LRMDA: variants seen among roughly 807,000 people sequenced by gnomAD.
The protein encoded by LRMDA is leucine-rich melanocyte differentiation-associated protein.
In LRMDA, 18 loss-of-function variants were observed where a neutral mutation model predicts 29.8. The observed-to-expected ratio is 0.60, with a 90% confidence interval of 0.42 to 0.90. The LOEUF (loss-of-function observed/expected upper bound fraction) is 0.90, where lower values mean the gene tolerates loss of function less well. Among genes scored for constraint, LRMDA ranks in the 40% least tolerant of loss-of-function variants. The probability of loss-of-function intolerance (pLI) is 0.00; values close to 1 mark genes in which losing one functional copy is unlikely to be tolerated. For missense variants in LRMDA, 273 were observed against 273.9 expected, an observed-to-expected ratio of 1.00 and a Z score of 0.02; for synonymous variants, 125 against 109.4, an observed-to-expected ratio of 1.14 and a Z score of -0.89.
chr10:76,557,361 C>A lies in LRMDA; in HGVS notation c.*73C>A. 7.7e-7 allele frequency: 1 copy of A among 1,290,566 alleles called. No homozygotes were observed. The highest frequency in any genetic ancestry group is 1.1e-6 in the Non-Finnish European group (1 of 897,352). 79.9% of individuals were successfully genotyped at this position (1,290,566 alleles called of 1,614,324 possible). On this transcript the variant is annotated 3_prime_UTR_variant, in exon 7 of 7. Coordinates refer to ENST00000611255, the MANE Select transcript of LRMDA (RefSeq NM_001305581.2). Reference sequence around the variant, plus strand: ...AGGGAAATCAAAAATAAAGAAAACGCTAAAGAAAAAACAATAGCCCACATT... The same window carrying A: ...AGGGAAATCAAAAATAAAGAAAACGATAAAGAAAAAACAATAGCCCACATT...
Position 75,438,583 on chromosome 10 carries a change from C to T in LRMDA, c.131+89C>T, listed in dbSNP as rs1844289290. ...GCCAAGCAGATAAAAGTCAAATGTT[C>T]CAACTCCACATGGGTTGTCCTTTTA... is the stretch of plus-strand genomic sequence containing the variant. On this transcript the variant is annotated intron_variant, in intron 2 of 6. Coordinates refer to ENST00000611255, the MANE Select transcript of LRMDA (RefSeq NM_001305581.2). The T allele has an allele frequency of 4.2e-5, 40 of 960,452 alleles. No homozygotes were observed. The South Asian group carries it at 5.8e-4, about 14-fold the overall frequency. 59.5% of individuals were successfully genotyped at this position (960,452 alleles called of 1,614,324 possible).
chr10:76,259,676 C>A (rs1839908809), intron 5 of LRMDA, among the ~76,000 whole-genome samples: 1 of 152,016 alleles, frequency 6.6e-6, no homozygotes, highest in Middle Eastern at 3.2e-3. Flanking sequence ...AAGTCCCCAA[C>A]TACTATTGTA....
chr10:75,595,535 TTA>T (rs1840775301), intron 2 of LRMDA, among the ~76,000 whole-genome samples: 1 of 149,826 alleles, frequency 6.7e-6, no homozygotes, highest in South Asian at 2.1e-4. Context: ...AGTATGTATA[TTA>T]TGAGTATGTA....
At chr10:76,182,213 A>G (rs1475634540) in intron 5 of LRMDA, among the ~76,000 whole-genome samples, 7 of 152,172 alleles carry the variant, frequency 4.6e-5, no homozygotes, top group African/African-American at 9.7e-5. Context: ...AGCAAGGCAT[A>G]TCTTACATGG....
chr10:76,062,932 C>T (rs1848726381), intron 5 of LRMDA, among the ~76,000 whole-genome samples: 1 of 152,094 alleles, frequency 6.6e-6, no homozygotes, highest in African/African-American at 2.4e-5. Flanking sequence ...AGAGGCCTGT[C>T]CAGGATGACG....
chr10:76,058,277 G>C (rs1898082), intron 4 of LRMDA, among the ~76,000 whole-genome samples: 1 of 152,034 alleles, frequency 6.6e-6, no homozygotes, highest in African/African-American at 2.4e-5. Flanking sequence ...TGGCAGTGAC[G>C]TAAAGGGTAC....
At chr10:76,399,623 C>T (rs1050568141) in intron 6 of LRMDA, among the ~76,000 whole-genome samples, 3 of 152,186 alleles carry the variant, frequency 2.0e-5, no homozygotes, top group Non-Finnish European at 4.4e-5. Flanking sequence ...TCTAGGATCT[C>T]GAATTCAGTA....
At chr10:76,188,950 A>ACACACACG (rs1554853768) in intron 5 of LRMDA, among the ~76,000 whole-genome samples, 1 of 151,602 alleles carries the variant, frequency 6.6e-6, no homozygotes, top group Non-Finnish European at 1.5e-5. Context: ...ACACACACAC[A>ACACACACG]CACACACACA....
chr10:75,600,266 G>A (rs1174327438), intron 2 of LRMDA, among the ~76,000 whole-genome samples: 4 of 152,064 alleles, frequency 2.6e-5, no homozygotes, highest in South Asian at 2.1e-4. Flanking sequence ...AACACCTTGC[G>A]TGTGAAGGGC....
chr10:75,482,369 C>T (rs1266561836), intron 2 of LRMDA, among the ~76,000 whole-genome samples: 2 of 152,106 alleles, frequency 1.3e-5, no homozygotes, highest in Non-Finnish European at 2.9e-5. Flanking sequence ...AAGTTGTAGC[C>T]GATTTGCAGA....
At chr10:76,288,896 C>T (rs1840305410) in intron 5 of LRMDA, among the ~76,000 whole-genome samples, 1 of 152,140 alleles carries the variant, frequency 6.6e-6, no homozygotes, top group African/African-American at 2.4e-5. Context: ...CAAATGAAGC[C>T]TTGCTCTCTG....
At chr10:76,261,447 A>G (rs1839942956) in intron 5 of LRMDA, among the ~76,000 whole-genome samples, 2 of 152,072 alleles carry the variant, frequency 1.3e-5, no homozygotes, top group Non-Finnish European at 2.9e-5. Flanking sequence ...CATGTCCATC[A>G]GAATCATATG....
At chr10:76,006,983 C>CGTGTGT (rs572881040) in intron 2 of LRMDA, among the ~76,000 whole-genome samples, 4,106 of 115,988 alleles carry the variant, frequency 0.035, 128 homozygotes, top group East Asian at 0.038. Context: ...ATGGAGAAGG[C>CGTGTGT]GTGTGTGTGT....
chr10:75,859,298 T>C (rs745842422), intron 2 of LRMDA, among the ~76,000 whole-genome samples: 2 of 152,198 alleles, frequency 1.3e-5, no homozygotes, highest in Non-Finnish European at 2.9e-5. Flanking sequence ...GTTTGGCCCC[T>C]GTGGTGATTT....
At chr10:75,819,601 A>T (rs1192465943) in intron 2 of LRMDA, among the ~76,000 whole-genome samples, 4 of 152,076 alleles carry the variant, frequency 2.6e-5, no homozygotes, top group African/African-American at 9.7e-5. Context: ...TAATATGATA[A>T]ATTTTCATAC....
At chr10:76,341,464 A>G (rs1261607742) in intron 6 of LRMDA, among the ~76,000 whole-genome samples, 2 of 152,256 alleles carry the variant, frequency 1.3e-5, no homozygotes, top group Non-Finnish European at 2.9e-5. Context: ...CTGTACCCTA[A>G]CAATATAGGA....
At chr10:75,914,930 A>G (rs1845904541) in intron 2 of LRMDA, among the ~76,000 whole-genome samples, 4 of 152,160 alleles carry the variant, frequency 2.6e-5, no homozygotes, top group Non-Finnish European at 1.5e-5. Flanking sequence ...AAAGAAAAAT[A>G]AAATCCTCAA....
intron 6 of LRMDA, among the ~76,000 whole-genome samples, chr10:76,544,164 G>A (rs1300286074): frequency 6.6e-6 from 1 of 152,156 alleles, no homozygotes; most frequent in Non-Finnish European, 1.5e-5. Context: ...TGCTCAGCGT[G>A]GGCAATGTCT....
intron 2 of LRMDA, among the ~76,000 whole-genome samples, chr10:75,692,541 A>G (rs1386516001): frequency 6.8e-6 from 1 of 146,690 alleles, no homozygotes; most frequent in African/African-American, 2.5e-5. Context: ...ATGTATACAT[A>G]TATACACATA....
Sources: gnomAD v4.1 joint callset for allele counts (sites outside exome capture counted in the v4.1 genomes callset) on GRCh38, gnomAD v4.1.1 for gene constraint, MANE v1.5 for transcripts, NCBI Gene and HGNC (gene_info 2026-07-23, HGNC 2026-07-21) for gene names.